Variants in EML6 observed in about 807,000 individuals in gnomAD.
The protein encoded by EML6 is echinoderm microtubule-associated protein-like 6.
Under a neutral mutation model 240.1 loss-of-function variants are expected in EML6, and 154 were observed. The observed-to-expected ratio is 0.64, with a 90% CI of 0.56 to 0.73. EML6 has a LOEUF of 0.73. EML6 is among the 30% of genes least tolerant of loss of function. The pLI is 0.00. For missense variants in EML6, 2,964 were observed against 2,474.6 expected (o/e 1.20, Z -4.20); for synonymous variants, 1,148 against 899.0 (o/e 1.28, Z -4.95).
chr2:54,757,130 TATTA>T (rs1277949401), intron 2 of EML6, among the ~76,000 whole-genome samples: 5 of 152,114 alleles, frequency 3.3e-5, no homozygotes, highest in African/African-American at 9.7e-5. Flanking sequence ...TTTCTGAGTA[TATTA>T]ATTATGTCCC....
chr2:54,949,742 C>A (rs1290153503), intron 29 of EML6, among the ~76,000 whole-genome samples: 1 of 152,204 alleles, frequency 6.6e-6, no homozygotes, highest in African/African-American at 2.4e-5. Flanking sequence ...TTACCCAGAG[C>A]CACCTTCTAA....
chr2:54,780,365 C>G (rs1271128351), intron 2 of EML6, among the ~76,000 whole-genome samples: 1 of 152,116 alleles, frequency 6.6e-6, no homozygotes, highest in African/African-American at 2.4e-5. Context: ...AATGCATTGG[C>G]AAAAATGACG....
chr2:54,829,374 A>G lies in EML6; in HGVS notation c.744A>G (p.Glu248=). ...TCTTTAGCATGTATGCTTGTGAAGA[A>G]GGCTTTGCCACTGGTGGGCGAGATG... ...AGIFSMYACE[E]GFATGGRDGC... is the part of the protein sequence containing the mutation. The change falls in exon 7 of 42, where the codon GAA becomes GAG. Residue 248 remains glutamate (E), a synonymous_variant. Transcript: ENST00000356458. 1.9e-6 allele frequency: 3 copies of G among 1,551,894 alleles called. No individual in the cohort carries two copies. Among genetic ancestry groups the G allele is most frequent in the Non-Finnish European group, 2.6e-6 (3 of 1,146,974 alleles).
rs540346568 is a variant in EML6 at position 54,781,541 on chromosome 2, G to C, written c.198-31691G>C. ...TTTGAAATCTAATTGTATCTAGACA[G>C]TACTGACAAATCATTGAAGTTAGAG... On this transcript the variant is annotated intron_variant, in intron 2 of 41. Coordinates refer to ENST00000356458, the MANE Select transcript of EML6 (RefSeq NM_001039753.4). Among the ~76,000 whole-genome samples the C allele has an allele frequency of 7.9e-5, 12 of 152,262 alleles. No homozygotes were observed. The South Asian group carries it at 2.5e-3, about 32-fold the overall frequency.
rs1299363399 is a variant in EML6 at position 54,917,346 on chromosome 2, CT to C, written c.3675+422del. 4.6e-3 allele frequency among the ~76,000 whole-genome samples: 627 copies of C among 137,634 alleles called. 4 individuals are homozygous for C. Among genetic ancestry groups the C allele is most frequent in the African/African-American group, 0.012 (434 of 36,034 alleles). The allele number at this position is 137,634 out of a possible 152,430, so 90.3% of individuals were successfully genotyped here. A position where few individuals can be genotyped will look rare whatever the true frequency, so the allele number is the denominator to read the frequency against. On this transcript the variant is annotated intron_variant, in intron 26 of 41. Transcript: ENST00000356458. ...ATCTTGAGCTGAATTCTCTTCTTCC[CT>C]TTTTTTTTTTGTTTTTTTTTTTTTT...
At position 54,731,667 on chromosome 2, in the gene EML6, C is replaced by G. The variant is rs184989063; in HGVS notation, c.197+6409C>G. ...GTTTTGTTTTGGAAAATGTGGTTGC[C>G]ACATAATGGGTCACTGCTTGAAAAC... On this transcript the variant is annotated intron_variant, in intron 2 of 41. Coordinates refer to ENST00000356458, the MANE Select transcript of EML6 (RefSeq NM_001039753.4). Among the ~76,000 whole-genome samples, 180 of 152,142 alleles carry G rather than the reference C, an allele frequency of 1.2e-3. 2 individuals are homozygous for G. Among genetic ancestry groups the G allele is most frequent in the African/African-American group, 3.9e-3 (161 of 41,500 alleles).
At chr2:54,877,229 C>A (rs965855758) in intron 16 of EML6, among the ~76,000 whole-genome samples, 1 of 152,138 alleles carries the variant, frequency 6.6e-6, no homozygotes, top group African/African-American at 2.4e-5. Flanking sequence ...AGGGATTCAC[C>A]TGCCTCAGCC....
chr2:54,917,351 T>C (rs1174395628), intron 26 of EML6, among the ~76,000 whole-genome samples: 2 of 101,808 alleles, frequency 2.0e-5, no homozygotes, highest in African/African-American at 1.1e-4. Context: ...CTTCCCTTTT[T>C]TTTTTTGTTT....
intron 9 of EML6, 22 bp from the exon 10 acceptor site, chr2:54,849,940 G>A (rs200908895): frequency 2.3e-4 from 359 of 1,537,430 alleles, no homozygotes; most frequent in Non-Finnish European, 2.6e-4. Context: ...GCTGCTTATC[G>A]TTTTGCTTTT....
At chr2:54,751,216 T>A (rs753559130) in intron 2 of EML6, among the ~76,000 whole-genome samples, 12 of 152,208 alleles carry the variant, frequency 7.9e-5, no homozygotes, top group Non-Finnish European at 1.5e-4. Context: ...CAGAATCATC[T>A]GGGCATGTTA....
rs1478712699 is a variant in EML6 at position 54,774,322 on chromosome 2, C to G, written c.198-38910C>G. ...AAGTCAGGATACTATGCAGGCTCCA[C>G]AGGATGGTCAGGCCTTTATGTTCCT... On this transcript the variant is annotated intron_variant, in intron 2 of 41. Transcript: ENST00000356458. This position sits in a 1 kb window ranked among gnomAD's most constrained non-coding sequence, Gnocchi z 4.1. Among the ~76,000 whole-genome samples, 3 of 152,132 alleles carry G rather than the reference C, an allele frequency of 2.0e-5. No homozygotes were observed. In the East Asian group the frequency reaches 5.8e-4, roughly 29 times the overall value.
chr2:54,823,632 G>A (rs1236862892), intron 5 of EML6, among the ~76,000 whole-genome samples: 2 of 152,132 alleles, frequency 1.3e-5, no homozygotes, highest in African/African-American at 4.8e-5. Flanking sequence ...AAACATGTGA[G>A]TTCATAATGA....
chr2:54,759,957 T>C (rs1667906003), intron 2 of EML6, among the ~76,000 whole-genome samples: 2 of 151,352 alleles, frequency 1.3e-5, no homozygotes, highest in South Asian at 4.2e-4. Flanking sequence ...ATAAGATAAC[T>C]TGCTCTAGAT....
chr2:54,922,806 T>G (rs4567980), intron 26 of EML6, among the ~76,000 whole-genome samples: 1 of 152,044 alleles, frequency 6.6e-6, no homozygotes. Context: ...GAAAGACAAA[T>G]ACTTTGTGAT....
At chr2:54,787,983 G>T (rs1669179161) in intron 2 of EML6, among the ~76,000 whole-genome samples, 1 of 152,026 alleles carries the variant, frequency 6.6e-6, no homozygotes. Context: ...TCATCTCGCA[G>T]ACCCAAAAAC....
intron 17 of EML6, 111 bp from the exon 18 acceptor site, chr2:54,890,943 A>T (rs1456422487): frequency 1.0e-5 from 5 of 484,774 alleles, no homozygotes; most frequent in Non-Finnish European, 1.8e-5. Context: ...CCATTTTCTA[A>T]TTTAATGGTC....
chr2:54,807,222 A>T (rs1670545898), intron 2 of EML6, among the ~76,000 whole-genome samples: 1 of 152,190 alleles, frequency 6.6e-6, no homozygotes, highest in South Asian at 2.1e-4. Context: ...CATCTGGTTC[A>T]GCAAAGAAGT....
chr2:54,744,081 A>G (rs936447848), intron 2 of EML6, among the ~76,000 whole-genome samples: 16 of 148,568 alleles, frequency 1.1e-4, no homozygotes, highest in African/African-American at 3.7e-4. Flanking sequence ...GCATTGGACA[A>G]TTCTGGGCAT....
chr2:54,926,733 A>G (rs1414325524), intron 26 of EML6, among the ~76,000 whole-genome samples: 1 of 152,098 alleles, frequency 6.6e-6, no homozygotes, highest in African/African-American at 2.4e-5. Flanking sequence ...TGCTGCAGGA[A>G]TCTCTGCCTT....
Sources: allele counts gnomAD v4.1 joint callset (sites outside exome capture counted in the v4.1 genomes callset), GRCh38; gene constraint gnomAD v4.1.1; non-coding constraint Gnocchi (gnomAD v3.1); transcripts MANE v1.5; gene names NCBI Gene and HGNC (gene_info 2026-07-23, HGNC 2026-07-21).